Variants in ALAS1 observed in about 807,000 individuals in gnomAD.
ALAS1 encodes 5'-aminolevulinate synthase 1.
A neutral mutation model predicts 59.6 loss-of-function variants in ALAS1; 29 were observed. The ratio of observed to expected loss-of-function variants is 0.49; its 90% confidence interval spans 0.36 to 0.66. ALAS1 has a LOEUF of 0.66. ALAS1 is among the 30% of genes least tolerant of loss of function. The probability of loss-of-function intolerance (pLI) is 0.00; values close to 1 mark genes in which losing one functional copy is unlikely to be tolerated. For missense variants in ALAS1, 690 were observed against 807.5 expected (o/e 0.85, Z 1.76); for synonymous variants, 299 against 296.6 (o/e 1.01, Z -0.08).
intron 9 of ALAS1, among the ~76,000 whole-genome samples, chr3:52,209,687 T>C (rs1362989725): frequency 6.6e-6 from 1 of 152,332 alleles, no homozygotes; most frequent in Non-Finnish European, 1.5e-5. Context: ...CTATGAAGAC[T>C]CTTCTGGAGT....
chr3:52,207,184 TAGTAG>T (rs1699310996), intron 8 of ALAS1, among the ~76,000 whole-genome samples: 1 of 152,040 alleles, frequency 6.6e-6, no homozygotes, highest in African/African-American at 2.4e-5. Context: ...TTTGTATTTT[TAGTAG>T]AGACAGGGTT....
At chr3:52,207,627 TC>T (rs1358537175) in intron 8 of ALAS1, among the ~76,000 whole-genome samples, 1 of 152,142 alleles carries the variant, frequency 6.6e-6, no homozygotes, top group Non-Finnish European at 1.5e-5. Flanking sequence ...GATCTCACCC[TC>T]CTCCCACCCT....
chr3:52,213,591 A>C (rs1259845836), intron 11 of ALAS1, among the ~76,000 whole-genome samples: 1 of 152,202 alleles, frequency 6.6e-6, no homozygotes, highest in Non-Finnish European at 1.5e-5. Context: ...CTGATTCTAG[A>C]ACATTTTCAT....
In ALAS1 at chr3:52,206,582, T is replaced by G; in HGVS notation, c.996T>G (p.Ile332Met). The part of the protein sequence containing the change: ...TLAKMMPGCE[I>M]YSDSGNHASM... ...TTTTTGTTGTCTTAGGCTGTGAGAT[T>G]TACTCTGATTCTGGGAACCATGCCT... Residue 332 changes from isoleucine (I) to methionine (M), a missense_variant, in exon 8 of 12, where the codon ATT becomes ATG. Ile to Met is a conservative substitution (Grantham distance 10, BLOSUM62 1). Coordinates refer to ENST00000484952, the MANE Select transcript of ALAS1 (RefSeq NM_000688.6). 6.2e-7 allele frequency: 1 copy of G among 1,614,160 alleles called. No homozygotes were observed. Among genetic ancestry groups the G allele is most frequent in the Non-Finnish European group, 8.5e-7 (1 of 1,180,018 alleles).
rs1699410489 is a variant in ALAS1 at position 52,211,569 on chromosome 3, A to G, written c.1599+18A>G. On this transcript the variant is annotated intron_variant, in intron 10 of 11. Transcript: ENST00000484952. Reference sequence around the variant, plus strand: ...CTGTGCGGGTAATGGCCTGTCTCTGATTGGACTTGCCGTGGGGTGTGCCTC... The same window carrying G: ...CTGTGCGGGTAATGGCCTGTCTCTGGTTGGACTTGCCGTGGGGTGTGCCTC... The G allele has an allele frequency of 6.2e-7, 1 of 1,611,522 alleles. No individual in the cohort carries two copies. Among genetic ancestry groups the G allele is most frequent in the Admixed American group, 1.7e-5 (1 of 59,976 alleles).
At chr3:52,207,636 C>G (rs1699321718) in intron 8 of ALAS1, among the ~76,000 whole-genome samples, 1 of 152,250 alleles carries the variant, frequency 6.6e-6, no homozygotes, top group East Asian at 1.9e-4. Context: ...CTCCTCCCAC[C>G]CTCCACCCTC....
chr3:52,210,544 C>A (rs1699384108), intron 9 of ALAS1, among the ~76,000 whole-genome samples: 1 of 152,172 alleles, frequency 6.6e-6, no homozygotes, highest in Non-Finnish European at 1.5e-5. Flanking sequence ...GAGGCTGAGA[C>A]AGGAGGATCA....
In ALAS1 at chr3:52,199,283, C is replaced by T. The variant is rs775075760; in HGVS notation, c.42C>T (p.Val14=). 1.9e-6 allele frequency: 3 copies of T among 1,614,186 alleles called. No individual in the cohort carries two copies. The highest frequency in any genetic ancestry group is 1.1e-5 in the South Asian group (1 of 91,084). ...GCCGCTGCCCATTCTTATCCCGAGT[C>T]CCCCAGGCCTTTCTGCAGAAAGCAG... ...VVRRCPFLSR[V]PQAFLQKAGK... The change falls in exon 3 of 12, where the codon GTC becomes GTT. Residue 14 remains valine, a synonymous_variant. Transcript: ENST00000484952.
chr3:52,209,178 C>T (rs1699353885), intron 9 of ALAS1, among the ~76,000 whole-genome samples: 1 of 152,166 alleles, frequency 6.6e-6, no homozygotes, highest in Non-Finnish European at 1.5e-5. Flanking sequence ...AACACCTGAT[C>T]ATGTGTCTTA....
intron 9 of ALAS1, among the ~76,000 whole-genome samples, chr3:52,210,752 C>T (rs1044629870): frequency 2.0e-5 from 3 of 152,202 alleles, no homozygotes; most frequent in African/African-American, 7.2e-5. Flanking sequence ...GCACTCCAGC[C>T]TGGGTGACAG....
intron 3 of ALAS1, among the ~76,000 whole-genome samples, chr3:52,201,260 C>T (rs1056970851): frequency 3.5e-4 from 53 of 152,134 alleles, no homozygotes; most frequent in African/African-American, 9.9e-4. Flanking sequence ...TACCAGCCAA[C>T]GGTGTTTAGT....
Position 52,203,847 on chromosome 3 carries a change from G to A in ALAS1, c.428-16G>A, listed in dbSNP as rs1221349713. ...AGAAAGTTGGTCCCATTTGTTTCTT[G>A]TTACTTTTGTTCCAGAGGTTGCTGA... is the stretch of plus-strand genomic sequence containing the variant. On this transcript the variant is annotated splice_polypyrimidine_tract_variant and intron_variant, in intron 4 of 11. Coordinates refer to ENST00000484952, the MANE Select transcript of ALAS1 (RefSeq NM_000688.6). 6.4e-7 allele frequency: 1 copy of A among 1,561,708 alleles called. No homozygotes were observed.
Position 52,200,597 on chromosome 3 carries a change from G to A in ALAS1, c.199+1157G>A, listed in dbSNP as rs551392845. On this transcript the variant is annotated intron_variant, in intron 3 of 11. Transcript: ENST00000484952. ...ACAAAAAATACAAAATTAGCTGGAT[G>A]TGGTGGTGTACGCCTGTAATCCCAG... Among the ~76,000 whole-genome samples the A allele has an allele frequency of 4.6e-5, 7 of 152,352 alleles. No individual in the cohort carries two copies. In the South Asian group the frequency reaches 1.4e-3, roughly 32 times the overall value.
chr3:52,206,127 C>T, intron 7 of ALAS1, 104 bp downstream of exon 7: 1 of 1,110,404 alleles, frequency 9.0e-7, no homozygotes, highest in Non-Finnish European at 1.3e-6. Context: ...AATTGAAAAT[C>T]ATAATCCTAT....
chr3:52,203,095 C>T lies in ALAS1; in HGVS notation c.427+361C>T, dbSNP rs560572187. ...ACTGCAGTAAGTGCTGGTCCTAGGG[C>T]TCCCAAGCCGTGTGTCTTACTGATG... On this transcript the variant is annotated intron_variant, in intron 4 of 11. Coordinates refer to ENST00000484952, the MANE Select transcript of ALAS1 (RefSeq NM_000688.6). Among the ~76,000 whole-genome samples, 7 of 152,294 alleles carry T rather than the reference C, an allele frequency of 4.6e-5. No homozygotes were observed. The East Asian group carries it at 1.3e-3, about 29-fold the overall frequency.
intron 9 of ALAS1, 142 bp from the exon 10 acceptor site, chr3:52,211,141 G>A: frequency 2.4e-6 from 2 of 827,240 alleles, no homozygotes; most frequent in Middle Eastern, 3.6e-4. Context: ...TTAATGTGGT[G>A]CATGACTACT....
intron 1 of ALAS1, 34 bp downstream of exon 1, chr3:52,198,289 G>A: frequency 2.5e-6 from 1 of 403,396 alleles, no homozygotes; most frequent in Non-Finnish European, 4.4e-6. Flanking sequence ...GGCGCCGGCC[G>A]AGGAAGCCCC....
Position 52,211,353 on chromosome 3 carries a change from T to A in ALAS1, c.1401T>A (p.Tyr467Ter). 6.2e-7 allele frequency: 1 copy of A among 1,614,226 alleles called. No homozygotes were observed. The highest frequency in any genetic ancestry group is 2.2e-5 in the East Asian group (1 of 44,886). ...TSSLIDTVRS[Y>*]AAGFIFTTSL... ...CTCTGATTGACACCGTACGGTCCTA[T>A]GCTGCTGGCTTCATCTTCACCACCT... Residue 467 changes from tyrosine (Y) to a stop codon, truncating the protein, a stop_gained, in exon 10 of 12, where the codon TAT becomes TAA. Transcript: ENST00000484952. LOFTEE classifies it high-confidence loss of function.
At chr3:52,210,561 C>T (rs1220927451) in intron 9 of ALAS1, among the ~76,000 whole-genome samples, 1 of 152,212 alleles carries the variant, frequency 6.6e-6, no homozygotes, top group Non-Finnish European at 1.5e-5. Context: ...ATCACTTGAA[C>T]CCAGGAGTTT....
Sources: allele counts gnomAD v4.1 joint callset (sites outside exome capture counted in the v4.1 genomes callset), GRCh38; gene constraint gnomAD v4.1.1; transcripts MANE v1.5; gene names NCBI Gene and HGNC (gene_info 2026-07-23, HGNC 2026-07-21).